Variants in UNC5C observed in about 807,000 individuals in gnomAD.
The protein encoded by UNC5C is netrin receptor UNC5C.
UNC5C carries 47 observed loss-of-function variants against 99.8 expected under a neutral mutation model. The observed-to-expected ratio is 0.47, with a 90% confidence interval of 0.37 to 0.60. The LOEUF (loss-of-function observed/expected upper bound fraction) is 0.60. UNC5C is among the 20% of genes least tolerant of loss of function. The probability of loss-of-function intolerance (pLI) is 0.00; values close to 1 mark genes in which losing one functional copy is unlikely to be tolerated. For missense variants in UNC5C, 1,062 were observed against 1,165.9 expected, an observed-to-expected ratio of 0.91 and a Z score of 1.30; for synonymous variants, 487 against 452.2, an observed-to-expected ratio of 1.08 and a Z score of -0.98.
rs112164472 is a variant in UNC5C, at chr4:95,337,752, T to C, written c.125-2121A>G. Among the ~76,000 whole-genome samples, 212 of 152,126 alleles carry C rather than the reference T, an allele frequency of 1.4e-3. 1 individual carries two copies. Among genetic ancestry groups the C allele is most frequent in the African/African-American group, 4.8e-3 (200 of 41,570 alleles). ...ACACAGTTATTGATTTTTCAAGATG[T>C]TTGTTAACACTTGAAAATGCAACTT... On this transcript the variant is annotated intron_variant, in intron 1 of 15. Transcript: ENST00000453304.
At chr4:95,493,524 T>C (rs1358435941) in intron 1 of UNC5C, among the ~76,000 whole-genome samples, 2 of 151,440 alleles carry the variant, frequency 1.3e-5, no homozygotes, top group African/African-American at 4.8e-5. Flanking sequence ...AAACACTAGA[T>C]GGTGAGCTTT....
At chr4:95,173,677 A>T (rs1736218212) in intron 14 of UNC5C, among the ~76,000 whole-genome samples, 1 of 151,544 alleles carries the variant, frequency 6.6e-6, no homozygotes, top group Admixed American at 6.6e-5. Flanking sequence ...ATCAATGTTC[A>T]TCAAGGATAT....
chr4:95,197,731 G>A (rs12504776), intron 12 of UNC5C, among the ~76,000 whole-genome samples: 1 of 152,152 alleles, frequency 6.6e-6, no homozygotes, highest in East Asian at 1.9e-4. Flanking sequence ...GCATCCCTTA[G>A]AACAGGTATC....
intron 1 of UNC5C, among the ~76,000 whole-genome samples, chr4:95,488,654 T>C (rs967457995): frequency 2.0e-5 from 3 of 151,774 alleles, no homozygotes; most frequent in Non-Finnish European, 2.9e-5. Context: ...GTAATACAGA[T>C]TAATGGTAGC....
At chr4:95,298,156 CA>C (rs1452893929) in intron 3 of UNC5C, among the ~76,000 whole-genome samples, 4 of 151,976 alleles carry the variant, frequency 2.6e-5, no homozygotes, top group Admixed American at 6.6e-5. Flanking sequence ...CAAAAAAATG[CA>C]AAAAAGTAGC....
chr4:95,538,121 C>A (rs1016456643), intron 1 of UNC5C, among the ~76,000 whole-genome samples: 2 of 152,144 alleles, frequency 1.3e-5, no homozygotes. Flanking sequence ...TGTTTATTAG[C>A]AGCCCTGCCA....
In UNC5C at chr4:95,332,007, T is replaced by C. The variant is rs1201709364; in HGVS notation, c.346+3403A>G. On this transcript the variant is annotated intron_variant, in intron 2 of 15. Transcript: ENST00000453304. ...AGAATAAAATACCTAGGAATCCAAC[T>C]TACAAGGGACGTGAAGGACCTCTTC... is the stretch of plus-strand genomic sequence containing the variant. Among the ~76,000 whole-genome samples the C allele has an allele frequency of 2.6e-5, 4 of 151,992 alleles. No individual in the cohort carries two copies. The East Asian group carries it at 7.8e-4, about 29-fold the overall frequency.
chr4:95,407,976 G>GT (rs1745875891), intron 1 of UNC5C, among the ~76,000 whole-genome samples: 1 of 152,154 alleles, frequency 6.6e-6, no homozygotes, highest in African/African-American at 2.4e-5. Flanking sequence ...AGAGTCAAAA[G>GT]TAAGTGGGTT....
intron 1 of UNC5C, among the ~76,000 whole-genome samples, chr4:95,366,264 G>C (rs997542285): frequency 3.3e-5 from 5 of 152,138 alleles, no homozygotes; most frequent in Non-Finnish European, 7.4e-5. Context: ...AGCAGTTCAA[G>C]ACAAGCCTGG....
intron 2 of UNC5C, among the ~76,000 whole-genome samples, chr4:95,327,030 T>C (rs572815469): frequency 2.0e-5 from 3 of 152,276 alleles, no homozygotes; most frequent in African/African-American, 4.8e-5. Flanking sequence ...TTTTTTCAAA[T>C]ACTAAGAAAA....
At chr4:95,523,485 A>G (rs1390288976) in intron 1 of UNC5C, among the ~76,000 whole-genome samples, 1 of 152,214 alleles carries the variant, frequency 6.6e-6, no homozygotes, top group African/African-American at 2.4e-5. Flanking sequence ...ATGAAAAGTT[A>G]TGACTGTAGT....
chr4:95,537,442 C>T (rs578018678), intron 1 of UNC5C, among the ~76,000 whole-genome samples: 1 of 152,240 alleles, frequency 6.6e-6, no homozygotes, highest in African/African-American at 2.4e-5. Context: ...TTAATTACTG[C>T]CCTGTTCTCA....
intron 1 of UNC5C, among the ~76,000 whole-genome samples, chr4:95,464,088 A>T (rs550555739): frequency 3.3e-5 from 5 of 152,234 alleles, no homozygotes; most frequent in African/African-American, 1.2e-4. Context: ...TTCACAAGGT[A>T]CCATTTCTAT....
chr4:95,188,470 A>C (rs1476317585), intron 12 of UNC5C, among the ~76,000 whole-genome samples: 1 of 152,204 alleles, frequency 6.6e-6, no homozygotes, highest in Non-Finnish European at 1.5e-5. Context: ...CGAATCTCAA[A>C]TAGAGTTTTG....
chr4:95,354,479 A>ATATTTTTTTTTTTTTTTTTTTT, intron 1 of UNC5C, among the ~76,000 whole-genome samples: 1 of 110,352 alleles, frequency 9.1e-6, no homozygotes, highest in Non-Finnish European at 1.8e-5. Flanking sequence ...ATATATATAT[A>ATATTTTTTTTTTTTTTTTTTTT]TTTTTTTTTT....
rs1193931084 is a variant in UNC5C, at chr4:95,219,141, T to C, written c.1473A>G (p.Gln491=). 2 of 1,614,134 alleles carry C rather than the reference T, an allele frequency of 1.2e-6. No homozygotes were observed. Among genetic ancestry groups the C allele is most frequent in the South Asian group, 1.1e-5 (1 of 91,082 alleles). ...TGGACGTAAACTCAGAGAGGTCATC[T>C]TGGGGGGTGACAGCACCTGAGGTGT... is the stretch of plus-strand genomic sequence containing the variant. ...VYNTSGAVTP[Q]DDLSEFTSKL... is the part of the protein sequence containing the mutation. Residue 491 remains glutamine (Q), a synonymous_variant, in exon 9 of 16, where the codon CAA becomes CAG. Coordinates refer to ENST00000453304, the MANE Select transcript of UNC5C (RefSeq NM_003728.4).
chr4:95,508,057 C>G (rs1362667200), intron 1 of UNC5C, among the ~76,000 whole-genome samples: 1 of 151,974 alleles, frequency 6.6e-6, no homozygotes, highest in Non-Finnish European at 1.5e-5. Context: ...CCTGACCAAC[C>G]AATTTTTCTT....
At chr4:95,185,997 T>C (rs982063550) in intron 12 of UNC5C, among the ~76,000 whole-genome samples, 7 of 152,216 alleles carry the variant, frequency 4.6e-5, no homozygotes, top group Non-Finnish European at 7.3e-5. Flanking sequence ...AGACAGATTC[T>C]ATATATACTT....
chr4:95,536,144 C>A (rs1443278650), intron 1 of UNC5C, among the ~76,000 whole-genome samples: 1 of 150,122 alleles, frequency 6.7e-6, no homozygotes, highest in Admixed American at 6.7e-5. Flanking sequence ...ATAGCACGAT[C>A]TCTGCTTACT....
Sources: allele counts gnomAD v4.1 joint callset (sites outside exome capture counted in the v4.1 genomes callset), GRCh38; gene constraint gnomAD v4.1.1; transcripts MANE v1.5; gene names NCBI Gene and HGNC (gene_info 2026-07-23, HGNC 2026-07-21).